MAPK8: variants seen among roughly 807,000 people sequenced by gnomAD.
The protein encoded by MAPK8 is JUN N-terminal kinase.
In MAPK8, 13 loss-of-function variants were observed where a neutral mutation model predicts 52.9. That is an observed-to-expected ratio of 0.25 (90% CI 0.16 to 0.39). The LOEUF (loss-of-function observed/expected upper bound fraction) is 0.39. Ranked by LOEUF, MAPK8 falls within the 10% of genes least tolerant of loss-of-function variation. MAPK8 has a pLI of 1.00. For missense variants in MAPK8, 300 were observed against 519.2 expected (o/e 0.58, Z 4.10); for synonymous variants, 191 against 169.8 (o/e 1.12, Z -0.97).
intron 10 of MAPK8, among the ~76,000 whole-genome samples, chr10:48,428,761 T>A (rs1220919039): frequency 6.6e-6 from 1 of 152,224 alleles, no homozygotes; most frequent in African/African-American, 2.4e-5. Context: ...TACATCCTAC[T>A]AATTTACAGT....
At chr10:48,390,676 GC>G in intron 1 of MAPK8, among the ~76,000 whole-genome samples, 2 of 152,300 alleles carry the variant, frequency 1.3e-5, no homozygotes, top group East Asian at 3.9e-4. Context: ...GGGGCGGTCA[GC>G]CTGATATATA....
intron 11 of MAPK8, among the ~76,000 whole-genome samples, chr10:48,433,563 T>C (rs1482880465): frequency 2.6e-5 from 4 of 152,200 alleles, no homozygotes; most frequent in Admixed American, 2.6e-4. Context: ...CTCTCAGGCC[T>C]GAAATGCTCA....
At chr10:48,429,591 C>T (rs1410447269) in intron 10 of MAPK8, among the ~76,000 whole-genome samples, 1 of 152,128 alleles carries the variant, frequency 6.6e-6, no homozygotes, top group Non-Finnish European at 1.5e-5. Context: ...TGTGCTTTTT[C>T]CCAGAGGAGT....
intron 1 of MAPK8, among the ~76,000 whole-genome samples, chr10:48,318,681 TAA>T (rs1173057208): frequency 6.6e-6 from 1 of 152,056 alleles, no homozygotes; most frequent in Admixed American, 6.6e-5. Flanking sequence ...GCCAATGAGT[TAA>T]AGAGTCTGAG....
intron 1 of MAPK8, among the ~76,000 whole-genome samples, chr10:48,340,792 A>G (rs1380435293): frequency 6.6e-6 from 1 of 152,210 alleles, no homozygotes; most frequent in African/African-American, 2.4e-5. Context: ...TCCCTATGCC[A>G]ATTTCTGGTG....
intron 1 of MAPK8, among the ~76,000 whole-genome samples, chr10:48,338,599 T>TA (rs1402404771): frequency 2.0e-5 from 3 of 151,754 alleles, no homozygotes; most frequent in Non-Finnish European, 4.4e-5. Context: ...ACAAAAGAAA[T>TA]AAAAGATGTC....
chr10:48,366,160 G>A (rs181691488), intron 1 of MAPK8, among the ~76,000 whole-genome samples: 1 of 151,424 alleles, frequency 6.6e-6, no homozygotes, highest in East Asian at 1.9e-4. Flanking sequence ...TTGGAAAGGA[G>A]GTAGATTTTT....
intron 1 of MAPK8, chr10:48,325,872 A>T (rs966888725): frequency 6.6e-6 from 1 of 152,036 alleles, no homozygotes; most frequent in Non-Finnish European, 1.5e-5. Context: ...GTTTTATTGG[A>T]ATTTGATGTT....
chr10:48,345,045 G>T (rs1328796501), intron 1 of MAPK8, among the ~76,000 whole-genome samples: 1 of 152,170 alleles, frequency 6.6e-6, no homozygotes, highest in Non-Finnish European at 1.5e-5. Context: ...AATTTCAAAA[G>T]AAACCAAGAA....
chr10:48,357,200 T>G (rs1407617989), intron 1 of MAPK8, among the ~76,000 whole-genome samples: 6 of 152,200 alleles, frequency 3.9e-5, no homozygotes, highest in Admixed American at 2.6e-4. Flanking sequence ...GACATAAACC[T>G]TGTTTTACAA....
chr10:48,405,828 A>G (rs2042434825), intron 3 of MAPK8, among the ~76,000 whole-genome samples: 1 of 152,158 alleles, frequency 6.6e-6, no homozygotes, highest in African/African-American at 2.4e-5. Context: ...ACAATTTACC[A>G]CATTTTGAGA....
At chr10:48,386,806 A>C (rs1233324405) in intron 1 of MAPK8, among the ~76,000 whole-genome samples, 8 of 152,182 alleles carry the variant, frequency 5.3e-5, no homozygotes, top group Non-Finnish European at 4.4e-5. Flanking sequence ...CCATTGAAAT[A>C]TATATATTTT....
chr10:48,399,072 C>G (rs1158081016), intron 1 of MAPK8, among the ~76,000 whole-genome samples: 1 of 152,130 alleles, frequency 6.6e-6, no homozygotes, highest in Admixed American at 6.5e-5. Flanking sequence ...ATTCAGTGTT[C>G]AGATCTTGCT....
At chr10:48,382,166 A>G (rs999470664) in intron 1 of MAPK8, among the ~76,000 whole-genome samples, 2 of 152,174 alleles carry the variant, frequency 1.3e-5, no homozygotes, top group Admixed American at 6.5e-5. Context: ...CATATCACAG[A>G]AGCAATAGTT....
At chr10:48,415,026 T>G (rs911315901) in intron 5 of MAPK8, among the ~76,000 whole-genome samples, 1 of 151,208 alleles carries the variant, frequency 6.6e-6, no homozygotes, top group Non-Finnish European at 1.5e-5. Context: ...CTATTGGGGC[T>G]TTTTTTTTAA....
At chr10:48,401,174 C>G (rs747061071) in intron 1 of MAPK8, among the ~76,000 whole-genome samples, 31 of 152,290 alleles carry the variant, frequency 2.0e-4, no homozygotes, top group Non-Finnish European at 3.4e-4. Flanking sequence ...CCACTTGGCA[C>G]TAAATGAGAC....
intron 1 of MAPK8, among the ~76,000 whole-genome samples, chr10:48,351,841 G>T (rs1431214591): frequency 1.3e-5 from 2 of 152,094 alleles, no homozygotes; most frequent in Non-Finnish European, 2.9e-5. Context: ...TGCATTGGTT[G>T]AGCATCCCGA....
In MAPK8 at chr10:48,420,230, G is replaced by A; in HGVS notation, c.526G>A (p.Ala176Thr). Residue 176 changes from alanine (A) to threonine (T), a missense_variant, in exon 6 of 12, where the codon GCA becomes ACA. Physicochemically the swap from Ala to Thr is moderately conservative, Grantham distance 58. Around this residue, in one of 3 missense-constraint regions of MAPK8, gnomAD observed 147 missense variants for 328.1 expected, o/e 0.45. Coordinates refer to ENST00000374189, the MANE Select transcript of MAPK8 (RefSeq NM_001323329.2). ...KILDFGLART[A>T]GTSFMMTPYV... ...TCTTGACTTCGGTCTGGCCAGGACTGCAGGAACGAGTTTTATGATGACGCC... is the reference window on the plus strand; with the variant it reads ...TCTTGACTTCGGTCTGGCCAGGACTACAGGAACGAGTTTTATGATGACGCC... The A allele has an allele frequency of 1.2e-6, 2 of 1,613,918 alleles. No homozygotes were observed. The highest frequency in any genetic ancestry group is 1.7e-6 in the Non-Finnish European group (2 of 1,179,856).
At chr10:48,419,658 A>G (rs1326047169) in intron 5 of MAPK8, among the ~76,000 whole-genome samples, 1 of 152,194 alleles carries the variant, frequency 6.6e-6, no homozygotes, top group East Asian at 1.9e-4. Context: ...AGTCCTTTGG[A>G]ACTGGGTATC....
Sources: gnomAD v4.1 joint callset for allele counts (sites outside exome capture counted in the v4.1 genomes callset) on GRCh38, gnomAD v4.1.1 for gene constraint, gnomAD v4.1.1 regional missense constraint, MANE v1.5 for transcripts, NCBI Gene and HGNC (gene_info 2026-07-23, HGNC 2026-07-21) for gene names.